CLMP: variants seen among roughly 807,000 people sequenced by gnomAD.
CLMP encodes CXADR-like membrane protein.
In CLMP, 27 loss-of-function variants were observed where a neutral mutation model predicts 45.2. The observed-to-expected ratio is 0.60, with a 90% CI of 0.44 to 0.82. The LOEUF (loss-of-function observed/expected upper bound fraction) is 0.82, where lower values mean the gene tolerates loss of function less well. Ranked by LOEUF, CLMP falls within the 40% of genes least tolerant of loss-of-function variation. The pLI is 0.00. For synonymous variants in CLMP, 167 were observed against 171.4 expected (o/e 0.97, Z 0.20); for missense variants, 403 against 448.4 (o/e 0.90, Z 0.91).
Position 123,177,528 on chromosome 11 carries a change from G to A in CLMP, c.28+17385C>T, listed in dbSNP as rs556431137. ...CATGAGGGGTTCATGGGAATCTGAA[G>A]AAGCCAAACAGGGCTGTAAACATGG... On this transcript the variant is annotated intron_variant, in intron 1 of 6. Transcript: ENST00000448775. 4.6e-5 allele frequency among the ~76,000 whole-genome samples: 7 copies of A among 152,298 alleles called. No homozygotes were observed. In the East Asian group the frequency reaches 1.4e-3, roughly 29 times the overall value.
chr11:123,165,623 A>G (rs756275908), intron 1 of CLMP, among the ~76,000 whole-genome samples: 3 of 152,166 alleles, frequency 2.0e-5, no homozygotes, highest in Non-Finnish European at 4.4e-5. Flanking sequence ...GCAGCTCGCC[A>G]CTAAAAGCTT....
intron 1 of CLMP, among the ~76,000 whole-genome samples, chr11:123,118,925 TTTCTTTTCTTTCTTTC>T (rs1860754361): frequency 1.5e-5 from 2 of 134,522 alleles, no homozygotes; most frequent in Non-Finnish European, 3.1e-5. Flanking sequence ...TGCATTTTCT[TTTCTTTTCTTTCTTTC>T]TTTCTTTCTT....
chr11:123,082,542 C>T (rs538149406), intron 5 of CLMP, among the ~76,000 whole-genome samples: 176 of 152,004 alleles, frequency 1.2e-3, no homozygotes, highest in African/African-American at 3.7e-3. Context: ...ACCTCGTGAT[C>T]TGCCTGCCTC....
chr11:123,109,452 C>T (rs1383026807), intron 1 of CLMP, among the ~76,000 whole-genome samples: 2 of 152,134 alleles, frequency 1.3e-5, no homozygotes, highest in East Asian at 1.9e-4. Context: ...GCCACACTGC[C>T]GATATTCCAT....
chr11:123,078,359 G>T (rs1865763827), intron 5 of CLMP, among the ~76,000 whole-genome samples: 1 of 152,132 alleles, frequency 6.6e-6, no homozygotes, highest in Non-Finnish European at 1.5e-5. Context: ...AGACAAAATG[G>T]AATGATTCTG....
chr11:123,080,618 C>T (rs1865793762), intron 5 of CLMP, among the ~76,000 whole-genome samples: 1 of 152,070 alleles, frequency 6.6e-6, no homozygotes, highest in African/African-American at 2.4e-5. Flanking sequence ...TGAGCCACTG[C>T]GCCTCGACAA....
chr11:123,095,896 A>G (rs79091843), intron 2 of CLMP, among the ~76,000 whole-genome samples: 1 of 152,350 alleles, frequency 6.6e-6, no homozygotes, highest in East Asian at 1.9e-4. Context: ...GTCCAAGATT[A>G]GCTCTAGTCA....
chr11:123,175,341 A>G (rs2135544023), intron 1 of CLMP, among the ~76,000 whole-genome samples: 1 of 152,332 alleles, frequency 6.6e-6, no homozygotes, highest in Non-Finnish European at 1.5e-5. Flanking sequence ...CTAAACACTT[A>G]TAAGACCAAC....
Position 123,123,259 on chromosome 11 carries a change from C to CTTTT in CLMP, c.29-25311_29-25308dup, listed in dbSNP as rs11458946. On this transcript the variant is annotated intron_variant, in intron 1 of 6. Coordinates refer to ENST00000448775, the MANE Select transcript of CLMP (RefSeq NM_024769.5). ...TTTCTTTTCTTTCTTTCTTTCTTTCCTTTTTTTTTTTTTTTTTTAAGACAG... is the reference window on the plus strand; with the variant it reads ...TTTCTTTTCTTTCTTTCTTTCTTTCCTTTTTTTTTTTTTTTTTTTTTTAAGACAG... Among the ~76,000 whole-genome samples, 18 of 117,658 alleles carry CTTTT rather than the reference C, an allele frequency of 1.5e-4. 1 individual carries two copies. Among genetic ancestry groups the CTTTT allele is most frequent in the African/African-American group, 5.1e-4 (15 of 29,640 alleles). The allele number at this position is 117,658 out of a possible 152,430, so 77.2% of individuals were successfully genotyped here. A position where few individuals can be genotyped will look rare whatever the true frequency, so the allele number is the denominator to read the frequency against.
At chr11:123,142,011 G>A (rs1173089917) in intron 1 of CLMP, among the ~76,000 whole-genome samples, 1 of 142,738 alleles carries the variant, frequency 7.0e-6, no homozygotes, top group Non-Finnish European at 1.5e-5. Context: ...TTTTGACAGG[G>A]TCTCACTTTG....
chr11:123,129,416 TATATTATATAAAATATATATCATATG>T (rs1860950890), intron 1 of CLMP, among the ~76,000 whole-genome samples: 1 of 140,924 alleles, frequency 7.1e-6, no homozygotes, highest in Non-Finnish European at 1.5e-5. Flanking sequence ...TATCATATGA[TATATTATATAAAATATATATCATATG>T]ATATATTATA....
intron 1 of CLMP, among the ~76,000 whole-genome samples, chr11:123,185,512 T>A (rs116932343): frequency 2.6e-5 from 4 of 152,118 alleles, no homozygotes; most frequent in African/African-American, 9.7e-5. Flanking sequence ...TGAGAGGCAG[T>A]GGAGCAGAGA....
intron 1 of CLMP, among the ~76,000 whole-genome samples, chr11:123,155,168 T>C (rs1336257719): frequency 6.6e-6 from 1 of 152,164 alleles, no homozygotes; most frequent in Non-Finnish European, 1.5e-5. Context: ...TTAAAATTTG[T>C]TTTGTAGAGA....
At chr11:123,165,445 G>A (rs564234238) in intron 1 of CLMP, among the ~76,000 whole-genome samples, 6 of 152,130 alleles carry the variant, frequency 3.9e-5, no homozygotes, top group South Asian at 4.2e-4. Context: ...GGTACCTACC[G>A]CATAATATTA....
At chr11:123,108,658 A>G (rs959978636) in intron 1 of CLMP, among the ~76,000 whole-genome samples, 1 of 152,078 alleles carries the variant, frequency 6.6e-6, no homozygotes, top group African/African-American at 2.4e-5. Flanking sequence ...GGGAGAAGGA[A>G]AAAGGAGGAG....
Position 123,185,501 on chromosome 11 carries a change from G to A in CLMP, c.28+9412C>T, listed in dbSNP as rs374255505. On this transcript the variant is annotated intron_variant, in intron 1 of 6. Transcript: ENST00000448775. ...AGCTGCAGGACTCCGGGAACAGGGTGTGAGAGGCAGTGGAGCAGAGAAGGA... is the reference window on the plus strand; with the variant it reads ...AGCTGCAGGACTCCGGGAACAGGGTATGAGAGGCAGTGGAGCAGAGAAGGA... Among the ~76,000 whole-genome samples the A allele has an allele frequency of 7.9e-5, 12 of 152,340 alleles. No homozygotes were observed. In the South Asian group the frequency reaches 2.5e-3, roughly 32 times the overall value.
chr11:123,135,157 G>A (rs1424462513), intron 1 of CLMP, among the ~76,000 whole-genome samples: 4 of 151,638 alleles, frequency 2.6e-5, no homozygotes. Context: ...TTACTTGTGA[G>A]GCTGAGGCAG....
intron 3 of CLMP, 113 bp downstream of exon 3, chr11:123,084,399 G>A (rs977901414): frequency 1.2e-6 from 1 of 812,878 alleles, no homozygotes; most frequent in Non-Finnish European, 2.0e-6. Context: ...ACCTCTGAAT[G>A]TGTAATCCAA....
At chr11:123,176,409 A>G (rs556088053) in intron 1 of CLMP, among the ~76,000 whole-genome samples, 1 of 152,254 alleles carries the variant, frequency 6.6e-6, no homozygotes, top group Non-Finnish European at 1.5e-5. Context: ...GAGTGACCCA[A>G]GGAAGCTTAA....
Sources: gnomAD v4.1 joint callset for allele counts (sites outside exome capture counted in the v4.1 genomes callset) on GRCh38, gnomAD v4.1.1 for gene constraint, MANE v1.5 for transcripts, NCBI Gene and HGNC (gene_info 2026-07-23, HGNC 2026-07-21) for gene names.